Variants in MBOAT1 observed in about 807,000 individuals in gnomAD.
The protein encoded by MBOAT1 is membrane-bound glycerophospholipid O-acyltransferase 1.
MBOAT1 carries 67 observed loss-of-function variants against 64.4 expected under a neutral mutation model. That is an observed-to-expected ratio of 1.04 (90% CI 0.85 to 1.27). The LOEUF is 1.27. Among genes scored for constraint, MBOAT1 ranks in the 50% most tolerant of loss-of-function variants. The pLI is 0.00. For missense variants in MBOAT1, 563 were observed against 604.6 expected, an observed-to-expected ratio of 0.93 and a Z score of 0.72; for synonymous variants, 229 against 218.9, an observed-to-expected ratio of 1.05 and a Z score of -0.41.
At chr6:20,162,215 G>A (rs1017512576) in intron 1 of MBOAT1, among the ~76,000 whole-genome samples, 1 of 152,062 alleles carries the variant, frequency 6.6e-6, no homozygotes, top group East Asian at 1.9e-4. Flanking sequence ...AATTTTGGGG[G>A]AACACATTTG....
rs553370956 is a variant in MBOAT1, at chr6:20,161,243, G to A, written c.100-8474C>T. On this transcript the variant is annotated intron_variant, in intron 1 of 12. Transcript: ENST00000324607. ...TCCTTATAAGAATCGAATGCCTTAC[G>A]ATCTGTCACTGTCTCCCGTCACTCC... 1.4e-4 allele frequency among the ~76,000 whole-genome samples: 21 copies of A among 151,960 alleles called. 1 individual carries two copies. The highest frequency in any genetic ancestry group is 4.6e-4 in the African/African-American group (19 of 41,396).
At chr6:20,207,885 T>C (rs992434317) in intron 1 of MBOAT1, among the ~76,000 whole-genome samples, 1 of 152,238 alleles carries the variant, frequency 6.6e-6, no homozygotes, top group Non-Finnish European at 1.5e-5. Context: ...ACAGCCTATA[T>C]ACTTACATGG....
intron 1 of MBOAT1, among the ~76,000 whole-genome samples, chr6:20,153,403 C>T (rs905442110): frequency 6.6e-6 from 1 of 152,200 alleles, no homozygotes; most frequent in Non-Finnish European, 1.5e-5. Flanking sequence ...TTCTCACCCC[C>T]AGCAGGACCC....
At chr6:20,208,385 G>A (rs953489139) in intron 1 of MBOAT1, among the ~76,000 whole-genome samples, 1 of 144,058 alleles carries the variant, frequency 6.9e-6, no homozygotes, top group Non-Finnish European at 1.5e-5. Flanking sequence ...GGCGGAGGTT[G>A]CACTGAGCCG....
intron 12 of MBOAT1, 88 bp from the exon 13 acceptor site, chr6:20,102,500 G>GTTTTTTTTTTAA: frequency 8.8e-7 from 1 of 1,139,862 alleles, no homozygotes. Flanking sequence ...AGTATGACAA[G>GTTTTTTTTTTAA]TGAGAGCACC....
chr6:20,189,464 G>T (rs115711666), intron 1 of MBOAT1, among the ~76,000 whole-genome samples: 1 of 151,906 alleles, frequency 6.6e-6, no homozygotes, highest in Non-Finnish European at 1.5e-5. Context: ...TCACAGGTGC[G>T]ATCATAGCAC....
At chr6:20,111,862 A>ATATATACATATATATATACATC (rs1760171269) in intron 11 of MBOAT1, among the ~76,000 whole-genome samples, 1 of 137,372 alleles carries the variant, frequency 7.3e-6, no homozygotes, top group South Asian at 2.2e-4. Context: ...ATATATACAT[A>ATATATACATATATATATACATC]TATATACATA....
intron 10 of MBOAT1, among the ~76,000 whole-genome samples, chr6:20,113,276 C>T (rs1180484665): frequency 6.6e-6 from 1 of 152,160 alleles, no homozygotes; most frequent in Non-Finnish European, 1.5e-5. Flanking sequence ...GATCTGGACC[C>T]ATCACACTGT....
chr6:20,160,822 T>C lies in MBOAT1; in HGVS notation c.100-8053A>G, dbSNP rs541413214. On this transcript the variant is annotated intron_variant, in intron 1 of 12. Transcript: ENST00000324607. Reference sequence around the variant, plus strand: ...TACTTTACACTTTCAAAGGGATCCTTTGTTACACTTTCATTCCACACTCCT... The same window carrying C: ...TACTTTACACTTTCAAAGGGATCCTCTGTTACACTTTCATTCCACACTCCT... 5.9e-5 allele frequency among the ~76,000 whole-genome samples: 9 copies of C among 152,356 alleles called. No homozygotes were observed. In the East Asian group the frequency reaches 1.7e-3, roughly 29 times the overall value.
chr6:20,175,334 C>T (rs551272811), intron 1 of MBOAT1, among the ~76,000 whole-genome samples: 61 of 152,122 alleles, frequency 4.0e-4, no homozygotes, highest in African/African-American at 1.4e-3. Context: ...CACTGTAACC[C>T]TGTAACCTCA....
At chr6:20,121,665 C>G (rs970901400) in intron 8 of MBOAT1, among the ~76,000 whole-genome samples, 10 of 152,128 alleles carry the variant, frequency 6.6e-5, no homozygotes, top group African/African-American at 2.2e-4. Flanking sequence ...CTCCTGAGAT[C>G]AGGAGCTGAT....
intron 5 of MBOAT1, among the ~76,000 whole-genome samples, chr6:20,130,395 C>A (rs2113658673): frequency 6.6e-6 from 1 of 152,146 alleles, no homozygotes; most frequent in South Asian, 2.1e-4. Context: ...GCTCTGTCAC[C>A]CAGGCTGGAG....
chr6:20,103,286 T>C (rs1759854148), intron 12 of MBOAT1, among the ~76,000 whole-genome samples: 1 of 152,172 alleles, frequency 6.6e-6, no homozygotes, highest in African/African-American at 2.4e-5. Flanking sequence ...CCTAGGCTGA[T>C]GGGTGTTTGT....
At chr6:20,196,819 C>T (rs1762968182) in intron 1 of MBOAT1, among the ~76,000 whole-genome samples, 1 of 151,520 alleles carries the variant, frequency 6.6e-6, no homozygotes, top group Admixed American at 6.6e-5. Context: ...CGAGAGAGCA[C>T]CATTTGCACT....
intron 1 of MBOAT1, among the ~76,000 whole-genome samples, chr6:20,192,595 A>T (rs1434834917): frequency 6.6e-6 from 1 of 152,218 alleles, no homozygotes; most frequent in Non-Finnish European, 1.5e-5. Flanking sequence ...TAACAATGAA[A>T]CCTTTTCTCT....
At chr6:20,177,753 A>G (rs562691510) in intron 1 of MBOAT1, among the ~76,000 whole-genome samples, 27 of 144,092 alleles carry the variant, frequency 1.9e-4, no homozygotes, top group African/African-American at 2.6e-4. Flanking sequence ...CAGCCTGGGC[A>G]ACAGAGTGAG....
At chr6:20,206,343 T>C (rs1281427901) in intron 1 of MBOAT1, among the ~76,000 whole-genome samples, 1 of 152,134 alleles carries the variant, frequency 6.6e-6, no homozygotes, top group African/African-American at 2.4e-5. Context: ...CTGGCTAATT[T>C]TTGTATTTTT....
chr6:20,208,202 C>T (rs866054401), intron 1 of MBOAT1, among the ~76,000 whole-genome samples: 8 of 151,986 alleles, frequency 5.3e-5, no homozygotes, highest in Non-Finnish European at 8.8e-5. Flanking sequence ...AATCCCAGCA[C>T]TTTGGGAGGC....
intron 1 of MBOAT1, among the ~76,000 whole-genome samples, chr6:20,155,180 C>T (rs1455566320): frequency 2.6e-5 from 4 of 152,208 alleles, no homozygotes; most frequent in East Asian, 3.8e-4. Flanking sequence ...ACAGCATCCA[C>T]GTCCCCTTGG....
Sources: allele counts gnomAD v4.1 joint callset (sites outside exome capture counted in the v4.1 genomes callset), GRCh38; gene constraint gnomAD v4.1.1; transcripts MANE v1.5; gene names NCBI Gene and HGNC (gene_info 2026-07-23, HGNC 2026-07-21).